FSAF1: variants seen among roughly 807,000 people sequenced by gnomAD.
FSAF1 encodes 40S small subunit processome assembly factor 1, also known as uncharacterized protein C1orf131.
the FSAF1 span, chr1:231,227,144 T>C: frequency 1.4e-6 from 2 of 1,445,398 alleles, no homozygotes; most frequent in Admixed American, 1.7e-5. Context: ...CCAGAAGTAA[T>C]GCATTTCAGA....
At chr1:231,225,189 ACT>A in the FSAF1 span, 1 of 496,730 alleles carries the variant, frequency 2.0e-6, no homozygotes, top group Non-Finnish European at 3.6e-6. Context: ...CTGTAGCAGC[ACT>A]CTTAGAAGTC....
At chr1:231,235,239 G>C in the FSAF1 span, among the ~76,000 whole-genome samples, 2 of 152,150 alleles carry the variant, frequency 1.3e-5, no homozygotes, top group South Asian at 4.1e-4. Context: ...AGTGGCTCAC[G>C]TCTGTAATCC....
the FSAF1 span, among the ~76,000 whole-genome samples, chr1:231,240,050 G>A: frequency 6.6e-6 from 1 of 152,146 alleles, no homozygotes; most frequent in African/African-American, 2.4e-5. The surrounding 1 kb of genome is among the most constrained non-coding windows in gnomAD (Gnocchi z 4.1). Flanking sequence ...ACAAGCATGG[G>A]GTCTGGGGCT....
the FSAF1 span, chr1:231,225,685 C>T: frequency 1.5e-6 from 1 of 682,514 alleles, no homozygotes; most frequent in Non-Finnish European, 2.5e-6. Flanking sequence ...CCCTAAAACC[C>T]TTTCAAGAAT....
the FSAF1 span, among the ~76,000 whole-genome samples, chr1:231,240,464 AATAGGCTC>A: frequency 2.0e-5 from 3 of 152,264 alleles, no homozygotes; most frequent in East Asian, 5.8e-4. This position sits in a 1 kb window ranked among gnomAD's most constrained non-coding sequence, Gnocchi z 4.1. Context: ...ATGCGACTTT[AATAGGCTC>A]TTTTATTTTC....
At chr1:231,225,364 C>T in the FSAF1 span, 56,416 of 1,025,528 alleles carry the variant, frequency 0.055, 1,822 homozygotes, top group Non-Finnish European at 0.063. Flanking sequence ...GACAGTGAAG[C>T]GCTCTAATGG....
chr1:231,225,313 G>T, the FSAF1 span: 2 of 654,644 alleles, frequency 3.1e-6, no homozygotes, highest in Non-Finnish European at 5.4e-6. Flanking sequence ...GTTTGATCTT[G>T]GGCAGTTTAC....
chr1:231,240,969 G>T, the FSAF1 span: 2 of 1,498,536 alleles, frequency 1.3e-6, no homozygotes, highest in Non-Finnish European at 1.9e-6. The surrounding 1 kb of genome is among the most constrained non-coding windows in gnomAD (Gnocchi z 4.1). Context: ...CAACACAGGA[G>T]ACCCACGTTC....
the FSAF1 span, chr1:231,237,466 T>G: frequency 6.6e-6 from 1 of 152,180 alleles, no homozygotes; most frequent in African/African-American, 2.4e-5. Context: ...CATCCCAGAT[T>G]CAGGGTGGGC....
chr1:231,225,397 A>G, the FSAF1 span: 1 of 1,416,544 alleles, frequency 7.1e-7, no homozygotes, highest in Admixed American at 1.7e-5. Context: ...ACATACATTC[A>G]AGGCGTCCTT....
the FSAF1 span, chr1:231,239,109 C>T: frequency 5.0e-6 from 8 of 1,613,018 alleles, no homozygotes; most frequent in East Asian, 6.7e-5. Flanking sequence ...CTGCCAAGGC[C>T]GCTGAAGCCA....
chr1:231,239,210 G>A, the FSAF1 span: 1 of 1,515,314 alleles, frequency 6.6e-7, no homozygotes. Context: ...AACACAAGAA[G>A]GAAAATAAAT....
At chr1:231,224,713 A>C in the FSAF1 span, 2 of 331,902 alleles carry the variant, frequency 6.0e-6, no homozygotes, top group East Asian at 5.1e-5. Context: ...TTCCCAGCTC[A>C]CCTTCTCCCT....
the FSAF1 span, among the ~76,000 whole-genome samples, chr1:231,233,072 G>A: frequency 6.6e-6 from 1 of 152,218 alleles, no homozygotes; most frequent in Non-Finnish European, 1.5e-5. Context: ...AGGCACTGGA[G>A]CATGGAGGAT....
the FSAF1 span, chr1:231,238,938 G>A: frequency 1.2e-6 from 2 of 1,614,068 alleles, no homozygotes; most frequent in Non-Finnish European, 1.7e-6. Flanking sequence ...GTTCCCTATT[G>A]TTCTTTAGGG....
the FSAF1 span, among the ~76,000 whole-genome samples, chr1:231,230,305 T>G: frequency 1.3e-5 from 2 of 152,178 alleles, no homozygotes; most frequent in African/African-American, 2.4e-5. Context: ...GAATTTTAGA[T>G]GTAAAATTTA....
At chr1:231,225,087 A>T in the FSAF1 span, 5 of 212,306 alleles carry the variant, frequency 2.4e-5, no homozygotes, top group Admixed American at 5.2e-5. Flanking sequence ...ACAAGTATAA[A>T]GCAACAAAGT....
At chr1:231,226,789 G>A in the FSAF1 span, 4 of 1,610,046 alleles carry the variant, frequency 2.5e-6, no homozygotes, top group East Asian at 4.5e-5. Flanking sequence ...ATTTGCTCCT[G>A]TAAAACCTTG....
At chr1:231,227,200 T>A in the FSAF1 span, 1 of 914,858 alleles carries the variant, frequency 1.1e-6, no homozygotes, top group Admixed American at 2.1e-5. Context: ...AACTCCACTG[T>A]CATGTGGTCA....
Sources: allele counts gnomAD v4.1 joint callset (sites outside exome capture counted in the v4.1 genomes callset), GRCh38; gene constraint gnomAD v4.1.1; non-coding constraint Gnocchi (gnomAD v3.1); transcripts MANE v1.5; gene names NCBI Gene and HGNC (gene_info 2026-07-23, HGNC 2026-07-21).